TBC1D32: variants seen among roughly 807,000 people sequenced by gnomAD.
TBC1D32 encodes protein broad-minded.
Under a neutral mutation model 170.3 loss-of-function variants are expected in TBC1D32, and 151 were observed. The observed-to-expected ratio is 0.89, with a 90% CI of 0.78 to 1.01. The LOEUF is 1.01. Among genes scored for constraint, TBC1D32 ranks in the 50% least tolerant of loss-of-function variants. The probability of loss-of-function intolerance (pLI) is 0.00; values close to 1 mark genes in which losing one functional copy is unlikely to be tolerated. For missense variants in TBC1D32, 1,464 were observed against 1,457.1 expected (o/e 1.00, Z -0.08); for synonymous variants, 498 against 488.0 (o/e 1.02, Z -0.27).
At chr6:121,225,526 T>A (rs77137127) in intron 20 of TBC1D32, among the ~76,000 whole-genome samples, 207 of 152,178 alleles carry the variant, frequency 1.4e-3, no homozygotes, top group African/African-American at 4.8e-3. Context: ...TATTGAGCAT[T>A]TTTGTATTAT....
chr6:121,241,423 T>A, intron 19 of TBC1D32, 42 bp downstream of exon 19: 1 of 1,526,178 alleles, frequency 6.6e-7, no homozygotes, highest in Non-Finnish European at 8.9e-7. Flanking sequence ...GCTCATTTTA[T>A]CTTTAAAATA....
intron 17 of TBC1D32, among the ~76,000 whole-genome samples, chr6:121,247,086 A>C (rs1468072338): frequency 6.6e-6 from 1 of 152,120 alleles, no homozygotes; most frequent in Admixed American, 6.6e-5. Context: ...GCATCAGGTA[A>C]CCTGTAAAAG....
At chr6:121,307,100 C>A (rs1239666694) in intron 5 of TBC1D32, among the ~76,000 whole-genome samples, 1 of 151,886 alleles carries the variant, frequency 6.6e-6, no homozygotes, top group Non-Finnish European at 1.5e-5. Flanking sequence ...CACAGCCAGG[C>A]GTGGTGGCTC....
intron 15 of TBC1D32, among the ~76,000 whole-genome samples, chr6:121,264,490 A>G (rs1376857428): frequency 2.0e-5 from 3 of 152,190 alleles, no homozygotes; most frequent in African/African-American, 4.8e-5. Context: ...ACAGGTACCA[A>G]GAGGAGCTGG....
chr6:121,150,147 G>A (rs1403856598), intron 24 of TBC1D32, among the ~76,000 whole-genome samples: 1 of 152,108 alleles, frequency 6.6e-6, no homozygotes, highest in Non-Finnish European at 1.5e-5. Context: ...TTGGCTGTGG[G>A]TTTCTCATAA....
chr6:121,080,869 G>A lies in TBC1D32; in HGVS notation c.3676C>T (p.Arg1226Ter), dbSNP rs1353651641. ...ATGTATTCAAAATAATCACTCACTC[G>A]AAACCCATGCAGTGCTTCTTCCTGC... Reference protein sequence around the residue: ...FLKEEALHGFRVSDYFEYMEI... With the variant: ...FLKEEALHGF The change falls in exon 32 of 32, where the codon CGA (arginine) becomes TGA (stop). Residue 1226 changes from arginine (R) to a stop codon, truncating the protein, a stop_gained. Transcript: ENST00000398212. LOFTEE classifies it high-confidence loss of function. 4 of 1,613,374 alleles carry A rather than the reference G, an allele frequency of 2.5e-6. No homozygotes were observed. Among genetic ancestry groups the A allele is most frequent in the East Asian group, 2.2e-5 (1 of 44,842 alleles).
intron 21 of TBC1D32, among the ~76,000 whole-genome samples, chr6:121,219,168 C>T (rs535189935): frequency 6.6e-4 from 100 of 152,200 alleles, no homozygotes; most frequent in Non-Finnish European, 1.4e-3. Flanking sequence ...AACATAGAGA[C>T]TTAAAGCACA....
chr6:121,115,286 C>A, intron 26 of TBC1D32, 45 bp from the exon 27 acceptor site: 1 of 1,353,512 alleles, frequency 7.4e-7, no homozygotes, highest in South Asian at 1.6e-5. Context: ...GAAAAGTTTG[C>A]ATAATAATCA....
chr6:121,271,366 A>G (rs910902593), intron 15 of TBC1D32, among the ~76,000 whole-genome samples: 1 of 152,156 alleles, frequency 6.6e-6, no homozygotes, highest in African/African-American at 2.4e-5. Context: ...AGAAAACCCA[A>G]TCGTCTTGGC....
At chr6:121,321,833 A>G in intron 1 of TBC1D32, 39 bp from the exon 2 acceptor site, 1 of 1,554,120 alleles carries the variant, frequency 6.4e-7, no homozygotes, top group South Asian at 1.2e-5. Context: ...GGTAAATATC[A>G]TAAGCATATT....
chr6:121,304,953 A>T, intron 5 of TBC1D32, 120 bp from the exon 6 acceptor site: 1 of 683,922 alleles, frequency 1.5e-6, no homozygotes, highest in Non-Finnish European at 2.5e-6. Flanking sequence ...CCATTCAGAA[A>T]CTAGAGTCAG....
At chr6:121,106,184 A>T (rs1186556836) in intron 29 of TBC1D32, 21 bp from the exon 30 acceptor site, 2 of 1,353,190 alleles carry the variant, frequency 1.5e-6, no homozygotes, top group African/African-American at 3.0e-5. Context: ...GAGAAAAATT[A>T]AAAATTTTAT....
At chr6:121,174,232 G>T (rs892608247) in intron 22 of TBC1D32, among the ~76,000 whole-genome samples, 1 of 151,992 alleles carries the variant, frequency 6.6e-6, no homozygotes, top group African/African-American at 2.4e-5. Context: ...ATAAGGAACA[G>T]AATGACAAAA....
intron 5 of TBC1D32, among the ~76,000 whole-genome samples, chr6:121,305,182 C>A (rs1244283837): frequency 6.6e-6 from 1 of 151,910 alleles, no homozygotes; most frequent in African/African-American, 2.4e-5. Flanking sequence ...TTTTAACACC[C>A]CGTATTTCCA....
intron 30 of TBC1D32, among the ~76,000 whole-genome samples, chr6:121,100,776 C>CA (rs1269188837): frequency 8.6e-5 from 13 of 152,002 alleles, no homozygotes; most frequent in Middle Eastern, 3.4e-3. Context: ...AAAAACCCTT[C>CA]AAAAAATCAA....
At chr6:121,100,850 A>G (rs1777965106) in intron 30 of TBC1D32, among the ~76,000 whole-genome samples, 1 of 152,056 alleles carries the variant, frequency 6.6e-6, no homozygotes, top group African/African-American at 2.4e-5. Context: ...CCAGACTAAT[A>G]AAGAAGGAAA....
intron 22 of TBC1D32, among the ~76,000 whole-genome samples, chr6:121,197,897 C>G: frequency 6.6e-6 from 1 of 151,976 alleles, no homozygotes. Flanking sequence ...GGCAGACCCA[C>G]CCTTAATCTG....
In TBC1D32 at chr6:121,317,651, G is replaced by C; in HGVS notation, c.339C>G (p.Tyr113Ter). 1 of 1,606,200 alleles carries C rather than the reference G, an allele frequency of 6.2e-7. No individual in the cohort carries two copies. The highest frequency in any genetic ancestry group is 8.5e-7 in the Non-Finnish European group (1 of 1,176,632). Residue 113 changes from tyrosine (Y) to a stop codon, truncating the protein, a stop_gained, in exon 3 of 32, where the codon TAC becomes TAG. Transcript: ENST00000398212. LOFTEE classifies it high-confidence loss of function. ...ESKEYKEMMH[Y>*]LKNIMIAVVE... ...CCACAGCTATCATAATGTTCTTCAG[G>C]TAATGCATCATTTCTTTGTACCTTT...
chr6:121,235,225 T>A (rs1326645864), intron 20 of TBC1D32, among the ~76,000 whole-genome samples: 1 of 152,162 alleles, frequency 6.6e-6, no homozygotes, highest in Non-Finnish European at 1.5e-5. Flanking sequence ...TCAGCTGTGA[T>A]CCTGTAGGGA....
Sources: gnomAD v4.1 joint callset for allele counts (sites outside exome capture counted in the v4.1 genomes callset) on GRCh38, gnomAD v4.1.1 for gene constraint, MANE v1.5 for transcripts, NCBI Gene and HGNC (gene_info 2026-07-23, HGNC 2026-07-21) for gene names.